Variants in ANK2 observed in about 807,000 individuals in gnomAD.
The protein encoded by ANK2 is ankyrin-2.
ANK2 carries 83 observed loss-of-function variants against 360.5 expected under a neutral mutation model. The observed-to-expected ratio is 0.23, with a 90% CI of 0.19 to 0.28. ANK2 has a LOEUF of 0.28. Ranked by LOEUF, ANK2 falls within the 10% of genes least tolerant of loss-of-function variation. ANK2 has a pLI of 1.00. For missense variants in ANK2, 4,201 were observed against 4,795.7 expected (o/e 0.88, Z 3.66); for synonymous variants, 1,740 against 1,759.5 (o/e 0.99, Z 0.28).
Position 113,263,544 on chromosome 4 carries a change from C to T in ANK2, c.1387-1353C>T, listed in dbSNP as rs114193215. ...TCATAACTTCAAAAGAAATGGGTCT[C>T]CAAAATACTGAGAAAAAATTAACTG... is the stretch of plus-strand genomic sequence containing the variant. On this transcript the variant is annotated intron_variant, in intron 13 of 45. Transcript: ENST00000357077. Among the ~76,000 whole-genome samples, 1,058 of 152,214 alleles carry T rather than the reference C, an allele frequency of 7.0e-3. 8 individuals carry two copies. Among genetic ancestry groups the T allele is most frequent in the African/African-American group, 0.01 (420 of 41,518 alleles).
At chr4:113,207,095 T>A (rs1274588335) in intron 4 of ANK2, among the ~76,000 whole-genome samples, 3 of 150,108 alleles carry the variant, frequency 2.0e-5, no homozygotes, top group Admixed American at 1.3e-4. Flanking sequence ...ATTACTACTC[T>A]ACAAAGCGTG....
At chr4:113,325,353 A>G (rs1185912095) in intron 26 of ANK2, among the ~76,000 whole-genome samples, 1 of 152,194 alleles carries the variant, frequency 6.6e-6, no homozygotes, top group Non-Finnish European at 1.5e-5. Flanking sequence ...AGGTTTCCTA[A>G]CCTAGTTAAC....
Position 113,332,989 on chromosome 4 carries a change from C to G in ANK2, c.3225-65C>G, listed in dbSNP as rs766473463. On this transcript the variant is annotated intron_variant, in intron 28 of 45. Coordinates refer to ENST00000357077, the MANE Select transcript of ANK2 (RefSeq NM_001148.6). ...ATTCCAGGTCACTTTGCAACAGAGT[C>G]GAGGTGCTTGTCTTGCTGTTAGTTA... 1.9e-6 allele frequency: 3 copies of G among 1,606,660 alleles called. No homozygotes were observed. In the Admixed American group the frequency reaches 5.0e-5, roughly 27 times the overall value.
At chr4:112,762,348 G>C in the ANK2 span, among the ~76,000 whole-genome samples, 1 of 152,168 alleles carries the variant, frequency 6.6e-6, no homozygotes, top group Non-Finnish European at 1.5e-5. Context: ...GTAATTTGGT[G>C]AATCAGTAAC....
chr4:112,936,598 C>A (rs193051515), intron 2 of ANK2, among the ~76,000 whole-genome samples: 4,850 of 152,264 alleles, frequency 0.032, 193 homozygotes, highest in African/African-American at 0.095. Flanking sequence ...CCTGCCTCGG[C>A]TTCCCAAAGT....
chr4:113,031,598 T>G (rs1196450949), intron 2 of ANK2: 1 of 151,568 alleles, frequency 6.6e-6, no homozygotes, highest in Non-Finnish European at 1.5e-5. Flanking sequence ...TATTCTTGTT[T>G]GACTTGATGA....
At chr4:112,950,945 A>G (rs1304402311) in intron 2 of ANK2, among the ~76,000 whole-genome samples, 6 of 149,162 alleles carry the variant, frequency 4.0e-5, no homozygotes, top group Admixed American at 6.6e-5. Flanking sequence ...AGCCGGGCGT[A>G]GTGGCGGGCG....
intron 22 of ANK2, among the ~76,000 whole-genome samples, chr4:113,294,620 A>C (rs1329006231): frequency 6.6e-6 from 1 of 152,208 alleles, no homozygotes; most frequent in Non-Finnish European, 1.5e-5. Context: ...CAGTTGGTTT[A>C]ACGTGCAGTT....
At chr4:112,836,110 G>A (rs1214206662) in intron 1 of ANK2, among the ~76,000 whole-genome samples, 1 of 152,132 alleles carries the variant, frequency 6.6e-6, no homozygotes, top group Non-Finnish European at 1.5e-5. Context: ...TAATCCCCAT[G>A]TGTTGAAGGA....
chr4:113,312,941 C>G (rs1003771505), intron 24 of ANK2, among the ~76,000 whole-genome samples: 1 of 152,096 alleles, frequency 6.6e-6, no homozygotes, highest in Non-Finnish European at 1.5e-5. Context: ...AGCACTCTAA[C>G]CTTGGTGATA....
Position 113,219,393 on chromosome 4 carries a change from AT to A in ANK2, c.385-12767del, listed in dbSNP as rs200325329. ...ATTTAAATTAATTATGCATATAAAA[AT>A]AAAGGCATTTATATATTATTATAAA... On this transcript the variant is annotated intron_variant, in intron 4 of 45. Coordinates refer to ENST00000357077, the MANE Select transcript of ANK2 (RefSeq NM_001148.6). 3.2e-3 allele frequency among the ~76,000 whole-genome samples: 484 copies of A among 151,972 alleles called. 16 individuals are homozygous for A. In the East Asian group the frequency reaches 0.066, roughly 21 times the overall value.
At chr4:112,801,485 C>A in the ANK2 span, among the ~76,000 whole-genome samples, 1 of 152,044 alleles carries the variant, frequency 6.6e-6, no homozygotes, top group Non-Finnish European at 1.5e-5. Flanking sequence ...AGTGAATAGG[C>A]AATTATAATT....
intron 1 of ANK2, among the ~76,000 whole-genome samples, chr4:113,086,224 G>T (rs532837027): frequency 6.6e-6 from 1 of 152,260 alleles, no homozygotes; most frequent in East Asian, 1.9e-4. Context: ...CCTTTTAAAT[G>T]TAACTGTCTC....
At chr4:113,038,972 A>T (rs1400811455) in intron 2 of ANK2, among the ~76,000 whole-genome samples, 1 of 152,030 alleles carries the variant, frequency 6.6e-6, no homozygotes, top group African/African-American at 2.4e-5. Context: ...TTAATCCCCG[A>T]CTCACAAATT....
intron 1 of ANK2, among the ~76,000 whole-genome samples, chr4:112,874,175 G>A (rs936655322): frequency 6.8e-6 from 1 of 146,012 alleles, no homozygotes. Flanking sequence ...TCCGCCTCCT[G>A]GGTTCAAGCG....
intron 1 of ANK2, among the ~76,000 whole-genome samples, chr4:112,867,302 G>A (rs980465863): frequency 1.9e-4 from 29 of 151,750 alleles, no homozygotes; most frequent in African/African-American, 7.0e-4. Context: ...TTCTCTGGTA[G>A]CATTTTTCTG....
chr4:112,820,866 G>C (rs1384960200), intron 1 of ANK2, among the ~76,000 whole-genome samples: 1 of 152,020 alleles, frequency 6.6e-6, no homozygotes, highest in Admixed American at 6.6e-5. Context: ...ACTCCTGAGT[G>C]ACTGGGACTA....
chr4:112,891,705 T>G lies in ANK2; in HGVS notation c.-39-12750T>G, dbSNP rs1000659040. ...AATAATATTATTAATACCATTTAATTGTATTTTAAATGAGGTTATACATGC... is the reference window on the plus strand; with the variant it reads ...AATAATATTATTAATACCATTTAATGGTATTTTAAATGAGGTTATACATGC... On this transcript the variant is annotated intron_variant, in intron 1 of 30. Coordinates refer to the ANK2 transcript ENST00000503271. 8.3e-4 allele frequency among the ~76,000 whole-genome samples: 127 copies of G among 152,306 alleles called. 1 individual carries two copies. In the Middle Eastern group the frequency reaches 0.014, roughly 16 times the overall value.
intron 1 of ANK2, among the ~76,000 whole-genome samples, chr4:113,076,773 G>A (rs939266728): frequency 1.4e-4 from 21 of 148,756 alleles, no homozygotes; most frequent in Non-Finnish European, 2.8e-4. Context: ...TCCAGCCAGG[G>A]CAACAGAGTA....
Sources: gnomAD v4.1 joint callset for allele counts (sites outside exome capture counted in the v4.1 genomes callset) on GRCh38, gnomAD v4.1.1 for gene constraint, MANE v1.5 for transcripts, NCBI Gene and HGNC (gene_info 2026-07-23, HGNC 2026-07-21) for gene names.